TRAF3: variants seen among roughly 807,000 people sequenced by gnomAD.
TRAF3 encodes TNF receptor-associated factor 3.
In TRAF3, 13 loss-of-function variants were observed where a neutral mutation model predicts 62.3. That is an observed-to-expected ratio of 0.21 (90% CI 0.14 to 0.33). The LOEUF is 0.33. TRAF3 is among the 10% of genes least tolerant of loss of function. The pLI, the probability that TRAF3 is intolerant of heterozygous loss-of-function variation, is 1.00. For missense variants in TRAF3, 440 were observed against 741.8 expected (o/e 0.59, Z 4.73); for synonymous variants, 269 against 283.4 (o/e 0.95, Z 0.51).
chr14:102,890,009 C>T (rs147992807), intron 8 of TRAF3, among the ~76,000 whole-genome samples: 152 of 152,346 alleles, frequency 1.0e-3, no homozygotes, highest in African/African-American at 3.6e-3. Flanking sequence ...GTTTCAACAG[C>T]GTGTGTGTCA....
Position 102,909,584 on chromosome 14 carries a change from G to C in TRAF3, c.*3800G>C, listed in dbSNP as rs1890759410. On this transcript the variant is annotated 3_prime_UTR_variant, in exon 12 of 12. Transcript: ENST00000392745. ...CATGGTGTGGCATACTGGGGCTCCT[G>C]CTCCTTGGGCCACTTCCTCAGCCCG... 1 of 152,420 alleles carries C rather than the reference G, an allele frequency of 6.6e-6. No individual in the cohort carries two copies. The allele number at this position is 152,420 out of a possible 1,614,324, so 9.4% of individuals were successfully genotyped here.
intron 1 of TRAF3, among the ~76,000 whole-genome samples, chr14:102,797,264 T>TG (rs2139440157): frequency 6.6e-6 from 1 of 152,322 alleles, no homozygotes; most frequent in South Asian, 2.1e-4. Flanking sequence ...AGGCTTGGAG[T>TG]GAAACATGTA....
chr14:102,839,161 C>T (rs371847952), intron 2 of TRAF3, among the ~76,000 whole-genome samples: 11 of 144,444 alleles, frequency 7.6e-5, no homozygotes, highest in African/African-American at 1.6e-4. Context: ...TAATTTCGAA[C>T]GGATGCTAAT....
chr14:102,885,984 A>T (rs1889359539), intron 6 of TRAF3, among the ~76,000 whole-genome samples: 1 of 152,148 alleles, frequency 6.6e-6, no homozygotes, highest in Admixed American at 6.5e-5. Context: ...GTCAGATCTG[A>T]CCAGATCTTT....
intron 1 of TRAF3, among the ~76,000 whole-genome samples, chr14:102,805,893 C>T (rs1001729501): frequency 3.3e-5 from 5 of 151,694 alleles, no homozygotes; most frequent in African/African-American, 1.2e-4. Flanking sequence ...GTCATTTGGA[C>T]TAGTTGTTTT....
intron 1 of TRAF3, among the ~76,000 whole-genome samples, chr14:102,796,086 G>A (rs572145835): frequency 2.6e-5 from 4 of 152,186 alleles, no homozygotes; most frequent in Non-Finnish European, 5.9e-5. Flanking sequence ...GTGTGGTGTC[G>A]GGTGCCTGTA....
At chr14:102,779,621 T>C (rs897463177) in intron 1 of TRAF3, among the ~76,000 whole-genome samples, 5 of 152,214 alleles carry the variant, frequency 3.3e-5, no homozygotes, top group African/African-American at 9.6e-5. Flanking sequence ...TCTAGGGTAT[T>C]GTCAGGATAC....
At chr14:102,803,010 CT>C (rs1190458294) in intron 1 of TRAF3, among the ~76,000 whole-genome samples, 1 of 152,102 alleles carries the variant, frequency 6.6e-6, no homozygotes, top group Non-Finnish European at 1.5e-5. Flanking sequence ...GGAAAAGCCC[CT>C]TGTAAAACCA....
intron 2 of TRAF3, among the ~76,000 whole-genome samples, chr14:102,857,590 G>C (rs1887446395): frequency 6.6e-6 from 1 of 152,178 alleles, no homozygotes; most frequent in Admixed American, 6.5e-5. Flanking sequence ...CTCCTCTTGA[G>C]GTCCCAAGAT....
chr14:102,888,815 T>C (rs1273607123), intron 7 of TRAF3, among the ~76,000 whole-genome samples: 3 of 152,234 alleles, frequency 2.0e-5, no homozygotes, highest in African/African-American at 7.2e-5. Context: ...TGTAATCCTT[T>C]CCATTCCCTT....
intron 1 of TRAF3, among the ~76,000 whole-genome samples, chr14:102,802,209 C>G (rs1477720769): frequency 1.6e-5 from 2 of 126,344 alleles, no homozygotes; most frequent in Non-Finnish European, 3.2e-5. Context: ...GGCTGGAGTG[C>G]AGTGGCGCAA....
chr14:102,885,472 G>A (rs562050873), intron 6 of TRAF3, among the ~76,000 whole-genome samples: 1 of 152,148 alleles, frequency 6.6e-6, no homozygotes, highest in East Asian at 1.9e-4. Flanking sequence ...TGCAGTTGAT[G>A]TCCTTGTGGG....
At chr14:102,896,469 A>G (rs1263955377) in intron 9 of TRAF3, among the ~76,000 whole-genome samples, 1 of 149,532 alleles carries the variant, frequency 6.7e-6, no homozygotes, top group Non-Finnish European at 1.5e-5. Context: ...ATTTTCTTAA[A>G]TGAAATGGAA....
Position 102,906,554 on chromosome 14 carries a change from C to G in TRAF3, c.*770C>G, listed in dbSNP as rs1890593159. On this transcript the variant is annotated 3_prime_UTR_variant, in exon 12 of 12. Transcript: ENST00000392745. ...ATTTCTCGTTAGAAATGTAAACCTT[C>G]AAATATCTGTCGTAGTTAATGACAC... is the stretch of plus-strand genomic sequence containing the variant. The G allele has an allele frequency of 6.6e-6, 1 of 152,232 alleles. No individual in the cohort carries two copies. The highest frequency in any genetic ancestry group is 1.5e-5 in the Non-Finnish European group (1 of 68,044). The allele number at this position is 152,232 out of a possible 1,614,324, so 9.4% of individuals were successfully genotyped here. A position where few individuals can be genotyped will look rare whatever the true frequency, so the allele number is the denominator to read the frequency against.
intron 1 of TRAF3, among the ~76,000 whole-genome samples, chr14:102,817,825 T>C (rs749655942): frequency 5.9e-5 from 9 of 152,254 alleles, no homozygotes; most frequent in African/African-American, 1.7e-4. Context: ...TGTAGTCTAT[T>C]GTTACGTTGT....
rs141356642 is a variant in TRAF3, at chr14:102,905,460, C to T, written c.1383C>T (p.Asn461=). The T allele has an allele frequency of 1.3e-5, 21 of 1,614,094 alleles. No individual in the cohort carries two copies. The highest frequency in any genetic ancestry group is 1.2e-4 in the African/African-American group (9 of 74,944). Residue 461 remains asparagine (N), a synonymous_variant, in exon 12 of 12, where the codon AAC becomes AAT. Coordinates refer to ENST00000392745, the MANE Select transcript of TRAF3 (RefSeq NM_145725.3). The stretch of plus-strand genomic sequence containing the variant: ...AGATGTGTGCCAGGGTCTACCTGAA[C>T]GGGGACGGGATGGGGAAGGGGACGC... ...GYKMCARVYL[N]GDGMGKGTHL...
chr14:102,809,463 GA>G lies in TRAF3; in HGVS notation c.-156-20868del, dbSNP rs1898987201. Reference sequence around the variant, plus strand: ...CTTTCTTAAAGCTCTGTGTCTCCTGGAAATGGAATGTATCCCAAATGAGGAT... The same window carrying G: ...CTTTCTTAAAGCTCTGTGTCTCCTGGAATGGAATGTATCCCAAATGAGGAT... On this transcript the variant is annotated intron_variant, in intron 1 of 11. Coordinates refer to ENST00000392745, the MANE Select transcript of TRAF3 (RefSeq NM_145725.3). Among the ~76,000 whole-genome samples the G allele has an allele frequency of 4.0e-5, 6 of 151,642 alleles. No individual in the cohort carries two copies. In the South Asian group the frequency reaches 1.2e-3, roughly 32 times the overall value.
intron 1 of TRAF3, among the ~76,000 whole-genome samples, chr14:102,792,866 A>G (rs74507524): frequency 0.028 from 4,262 of 151,770 alleles, 163 homozygotes; most frequent in African/African-American, 0.095. Context: ...TTTTGAGACA[A>G]AGTCTTCCTT....
At position 102,897,832 on chromosome 14, in the gene TRAF3, C is replaced by A. The variant is rs538896027; in HGVS notation, c.960+431C>A. On this transcript the variant is annotated intron_variant, in intron 10 of 11. Transcript: ENST00000392745. The stretch of plus-strand genomic sequence containing the variant: ...GAGCTTTCCAGTGACACGCGCTCAC[C>A]CGCTGGGTTTCACTGTGGAAATCCA... Among the ~76,000 whole-genome samples, 244 of 152,350 alleles carry A rather than the reference C, an allele frequency of 1.6e-3. 4 individuals carry two copies. The highest frequency in any genetic ancestry group is 6.8e-4 in the Non-Finnish European group (46 of 68,040).
Sources: gnomAD v4.1 joint callset for allele counts (sites outside exome capture counted in the v4.1 genomes callset) on GRCh38, gnomAD v4.1.1 for gene constraint, MANE v1.5 for transcripts, NCBI Gene and HGNC (gene_info 2026-07-23, HGNC 2026-07-21) for gene names.